Variants in GNB4 observed in about 807,000 individuals in gnomAD.
GNB4 encodes the protein G protein subunit beta 4, also known as guanine nucleotide-binding protein subunit beta-4.
GNB4 carries 28 observed loss-of-function variants against 45.2 expected under a neutral mutation model. That is an observed-to-expected ratio of 0.62 (90% CI 0.46 to 0.85). The LOEUF (loss-of-function observed/expected upper bound fraction) is 0.85. Among genes scored for constraint, GNB4 ranks in the 40% least tolerant of loss-of-function variants. The pLI is 0.00. For missense variants in GNB4, 321 were observed against 425.4 expected, an observed-to-expected ratio of 0.75 and a Z score of 2.16; for synonymous variants, 132 against 143.7, an observed-to-expected ratio of 0.92 and a Z score of 0.58.
chr3:179,442,737 C>T (rs564356979), intron 1 of GNB4, among the ~76,000 whole-genome samples: 46 of 151,990 alleles, frequency 3.0e-4, no homozygotes, highest in African/African-American at 9.6e-4. Flanking sequence ...AAACGATCTC[C>T]GACCTCAGCC....
chr3:179,401,295 C>T lies in GNB4; in HGVS notation c.941G>A (p.Arg314His), dbSNP rs747095396. 8.7e-6 allele frequency: 14 copies of T among 1,612,386 alleles called. No homozygotes were observed. The highest frequency in any genetic ancestry group is 1.1e-5 in the Non-Finnish European group (13 of 1,179,230). The change falls in exon 10 of 10, where the codon CGT becomes CAT. Residue 314 changes from arginine to histidine, a missense_variant. Transcript: ENST00000232564. ...ATCAGTTACACCTAAGCAGCTCACA[C>T]GGTTGTCATGACCAGCAAGGACACC... is the stretch of plus-strand genomic sequence containing the variant. ...RAGVLAGHDN[R>H]VSCLGVTDDG...
chr3:179,501,010 T>C, the GNB4 span, among the ~76,000 whole-genome samples: 2 of 152,184 alleles, frequency 1.3e-5, no homozygotes, highest in Non-Finnish European at 2.9e-5. Context: ...AAATATACAA[T>C]CATGTCAGAA....
the GNB4 span, among the ~76,000 whole-genome samples, chr3:179,496,648 G>T: frequency 6.6e-6 from 1 of 152,046 alleles, no homozygotes; most frequent in African/African-American, 2.4e-5. Flanking sequence ...AATGGAAAAA[G>T]ATATTTCATG....
At chr3:179,448,859 G>C (rs1715802142) in intron 1 of GNB4, among the ~76,000 whole-genome samples, 1 of 152,212 alleles carries the variant, frequency 6.6e-6, no homozygotes, top group South Asian at 2.1e-4. Context: ...TGGGTGGACT[G>C]CTTGAGCCCA....
chr3:179,466,596 A>G, the GNB4 span, among the ~76,000 whole-genome samples: 2 of 152,230 alleles, frequency 1.3e-5, no homozygotes, highest in African/African-American at 2.4e-5. Context: ...GCTCATGTCT[A>G]TAAGTCATGC....
chr3:179,464,957 G>GCT, the GNB4 span: 1 of 1,548,936 alleles, frequency 6.5e-7, no homozygotes, highest in Non-Finnish European at 8.9e-7. Context: ...GTCAAAAAGT[G>GCT]TTGAAATGCC....
chr3:179,512,167 C>T, the GNB4 span, among the ~76,000 whole-genome samples: 1 of 152,108 alleles, frequency 6.6e-6, no homozygotes, highest in Admixed American at 6.5e-5. Context: ...GGCCAGACCT[C>T]CCAGGCCAGG....
chr3:179,431,557 C>CAAA (rs71181291), intron 1 of GNB4, among the ~76,000 whole-genome samples: 24,823 of 128,038 alleles, frequency 0.19, 2,646 homozygotes, highest in East Asian at 0.34. Flanking sequence ...GACTCTGTCT[C>CAAA]AAAAAAAAAA....
the GNB4 span, among the ~76,000 whole-genome samples, chr3:179,461,113 C>T: frequency 1.3e-5 from 2 of 152,188 alleles, 1 homozygote; most frequent in African/African-American, 4.8e-5. Context: ...CCTTATCTTC[C>T]TCGTCCATCT....
At chr3:179,448,559 C>A (rs1477463908) in intron 1 of GNB4, among the ~76,000 whole-genome samples, 1 of 151,902 alleles carries the variant, frequency 6.6e-6, no homozygotes, top group Admixed American at 6.6e-5. Flanking sequence ...TGGAGTCCCA[C>A]TCTCCACATC....
intron 4 of GNB4, among the ~76,000 whole-genome samples, chr3:179,417,409 A>AT (rs35958397): frequency 0.049 from 7,034 of 143,358 alleles, 536 homozygotes; most frequent in African/African-American, 0.16. Context: ...TTTTGTTTGG[A>AT]TTTTTTTTTT....
chr3:179,462,325 C>T, the GNB4 span, among the ~76,000 whole-genome samples: 1 of 152,162 alleles, frequency 6.6e-6, no homozygotes, highest in Non-Finnish European at 1.5e-5. Flanking sequence ...CTAAACTACT[C>T]TTGTGTACTT....
rs750569656 is a variant in GNB4, at chr3:179,401,224, T to G, written c.1012A>C (p.Ile338Leu). ...TATGTATGACACTGTTAATTCCAGA[T>G]TCTAAGAAAACTGTCCCAAGAGCCT... Reference protein sequence around the residue: ...ATGSWDSFLRIWN With the variant: ...ATGSWDSFLRLWN Residue 338 changes from isoleucine to leucine, a missense_variant, in exon 10 of 10, where the codon ATC (isoleucine) becomes CTC (leucine). Physicochemically the swap from Ile to Leu is conservative, Grantham distance 5. Transcript: ENST00000232564. 3 of 1,611,392 alleles carry G rather than the reference T, an allele frequency of 1.9e-6. No homozygotes were observed. The South Asian group carries it at 3.3e-5, about 18-fold the overall frequency.
At chr3:179,447,352 A>AT (rs907919780) in intron 1 of GNB4, among the ~76,000 whole-genome samples, 2 of 150,532 alleles carry the variant, frequency 1.3e-5, no homozygotes, top group Admixed American at 6.6e-5. Flanking sequence ...GTATTAAAAA[A>AT]AAAAAAAAAA....
At chr3:179,520,201 C>A in the GNB4 span, among the ~76,000 whole-genome samples, 1 of 132,464 alleles carries the variant, frequency 7.5e-6, no homozygotes, top group African/African-American at 2.9e-5. Context: ...CTCAGCAAAT[C>A]ACCTGGGCTG....
chr3:179,506,684 C>T, the GNB4 span, among the ~76,000 whole-genome samples: 1 of 152,176 alleles, frequency 6.6e-6, no homozygotes, highest in African/African-American at 2.4e-5. Context: ...TTTCAGTCAA[C>T]AAACTGTTTA....
intron 1 of GNB4, among the ~76,000 whole-genome samples, chr3:179,443,205 A>G (rs931277155): frequency 1.3e-5 from 2 of 152,174 alleles, no homozygotes; most frequent in African/African-American, 2.4e-5. Flanking sequence ...GTCACGGAAA[A>G]GTAGCTACAA....
At chr3:179,471,716 T>C in the GNB4 span, among the ~76,000 whole-genome samples, 2 of 152,220 alleles carry the variant, frequency 1.3e-5, no homozygotes, top group Admixed American at 6.5e-5. Flanking sequence ...TAGTCACCCA[T>C]AGTTGACTTT....
At chr3:179,464,846 G>A in the GNB4 span, 1 of 1,344,156 alleles carries the variant, frequency 7.4e-7, no homozygotes, top group African/African-American at 1.4e-5. Flanking sequence ...AATGTGTTTG[G>A]ACCAGTATTC....
Sources: gnomAD v4.1 joint callset for allele counts (sites outside exome capture counted in the v4.1 genomes callset) on GRCh38, gnomAD v4.1.1 for gene constraint, MANE v1.5 for transcripts, NCBI Gene and HGNC (gene_info 2026-07-23, HGNC 2026-07-21) for gene names.